The following CSMD2 variants were observed in gnomAD, a reference collection of about 807,000 sequenced individuals.
CSMD2 encodes CUB and sushi domain-containing protein 2.
CSMD2 carries 130 observed loss-of-function variants against 398.5 expected under a neutral mutation model. That is an observed-to-expected ratio of 0.33 (90% CI 0.28 to 0.38). CSMD2 has a LOEUF of 0.38. Among genes scored for constraint, CSMD2 ranks in the 10% least tolerant of loss-of-function variants. The pLI is 1.00. For missense variants in CSMD2, 3,829 were observed against 4,764.9 expected (o/e 0.80, Z 5.78); for synonymous variants, 1,828 against 1,908.5 (o/e 0.96, Z 1.10).
At chr1:33,562,298 C>A (rs191700405) in intron 53 of CSMD2, among the ~76,000 whole-genome samples, 1 of 152,196 alleles carries the variant, frequency 6.6e-6, no homozygotes, top group Non-Finnish European at 1.5e-5. Flanking sequence ...GAAGCTGCTG[C>A]GACCAGGTGT....
chr1:33,776,749 A>T (rs1048040957), intron 12 of CSMD2, among the ~76,000 whole-genome samples: 2 of 152,090 alleles, frequency 1.3e-5, no homozygotes, highest in Admixed American at 6.5e-5. Flanking sequence ...ATGTTGTTAA[A>T]AAGAATGGCC....
At chr1:33,630,684 A>G (rs1429587604) in intron 32 of CSMD2, among the ~76,000 whole-genome samples, 1 of 152,230 alleles carries the variant, frequency 6.6e-6, no homozygotes, top group Non-Finnish European at 1.5e-5. Flanking sequence ...TTAATCCCCA[A>G]AGAAGAAATG....
At chr1:33,933,200 G>C (rs1326383323) in intron 4 of CSMD2, among the ~76,000 whole-genome samples, 2 of 152,176 alleles carry the variant, frequency 1.3e-5, no homozygotes, top group East Asian at 1.9e-4. Context: ...TGGAGAAGTA[G>C]GGGATCCAAG....
chr1:33,725,342 G>C lies in CSMD2; in HGVS notation c.2695+7C>G, dbSNP rs750883811. 4.3e-6 allele frequency: 7 copies of C among 1,612,914 alleles called. No homozygotes were observed. The highest frequency in any genetic ancestry group is 1.7e-4 in the Middle Eastern group (1 of 5,976). ...TCATCCCTTTTCCTGAGCCCACTGAGACTCACTCTCATAGCGGAGCTGGAA... is the reference window on the plus strand; with the variant it reads ...TCATCCCTTTTCCTGAGCCCACTGACACTCACTCTCATAGCGGAGCTGGAA... On this transcript the variant is annotated splice_region_variant and intron_variant, in intron 17 of 70. Coordinates refer to ENST00000373381, the MANE Select transcript of CSMD2 (RefSeq NM_001281956.2).
chr1:33,831,201 C>A (rs1659510264), intron 6 of CSMD2, among the ~76,000 whole-genome samples: 1 of 151,880 alleles, frequency 6.6e-6, no homozygotes, highest in African/African-American at 2.4e-5. Flanking sequence ...CTCTAAGACA[C>A]ATAATTGTCA....
intron 41 of CSMD2, among the ~76,000 whole-genome samples, chr1:33,609,712 C>A (rs1640870365): frequency 6.6e-6 from 1 of 151,988 alleles, no homozygotes; most frequent in Admixed American, 6.5e-5. Flanking sequence ...TAGTACGATC[C>A]AATTTTGGCT....
intron 25 of CSMD2, among the ~76,000 whole-genome samples, chr1:33,688,129 GA>G (rs1645116225): frequency 1.3e-5 from 2 of 152,282 alleles, no homozygotes; most frequent in Admixed American, 6.5e-5. Flanking sequence ...GAAGATTCAG[GA>G]ATAAGAATGT....
At chr1:33,997,736 G>A (rs953105238) in intron 3 of CSMD2, among the ~76,000 whole-genome samples, 2 of 152,074 alleles carry the variant, frequency 1.3e-5, no homozygotes, top group Non-Finnish European at 2.9e-5. Flanking sequence ...GAGAGAGTTG[G>A]AGGGGAGAAA....
At chr1:33,662,444 T>C (rs1339495561) in intron 26 of CSMD2, among the ~76,000 whole-genome samples, 1 of 152,206 alleles carries the variant, frequency 6.6e-6, no homozygotes, top group Non-Finnish European at 1.5e-5. Context: ...GCACCTAGGA[T>C]GCCCTTTTCT....
intron 27 of CSMD2, among the ~76,000 whole-genome samples, chr1:33,657,417 T>C (rs777419859): frequency 7.2e-5 from 11 of 152,264 alleles, no homozygotes; most frequent in Non-Finnish European, 1.6e-4. Context: ...AAGGCTGCAG[T>C]GAGTTGTGAT....
In CSMD2 at chr1:33,924,119, T is replaced by C. The variant is rs75941618; in HGVS notation, c.713-5818A>G. ...CTCCTCGTATGAGTGTTAGGTGATA[T>C]TTGTCTTTCTCTGCCTGGTTTATTT... On this transcript the variant is annotated intron_variant, in intron 4 of 70. Coordinates refer to ENST00000373381, the MANE Select transcript of CSMD2 (RefSeq NM_001281956.2). Among the ~76,000 whole-genome samples, 478 of 152,248 alleles carry C rather than the reference T, an allele frequency of 3.1e-3. 4 individuals are homozygous for C. Among genetic ancestry groups the C allele is most frequent in the African/African-American group, 9.9e-3 (410 of 41,532 alleles).
upstream of CSMD2, chr1:34,165,803 A>G (rs551509744): frequency 5.4e-4 from 866 of 1,610,790 alleles, 13 homozygotes; most frequent in South Asian, 8.9e-3. Flanking sequence ...GGCGATGCTT[A>G]TGAGCCTCAT....
intron 1 of CSMD2, among the ~76,000 whole-genome samples, chr1:34,102,597 G>A (rs145552548): frequency 9.5e-4 from 76 of 79,858 alleles, no homozygotes; most frequent in African/African-American, 2.1e-3. Flanking sequence ...CCTGTAATCC[G>A]GCCATATCCC....
intron 5 of CSMD2, among the ~76,000 whole-genome samples, chr1:33,905,317 G>A (rs1643022540): frequency 6.6e-6 from 1 of 152,196 alleles, no homozygotes; most frequent in African/African-American, 2.4e-5. Context: ...GTGGACGTTG[G>A]AAGAAACAGC....
chr1:33,716,874 C>G (rs1646189868), intron 19 of CSMD2, among the ~76,000 whole-genome samples: 1 of 152,066 alleles, frequency 6.6e-6, no homozygotes, highest in Admixed American at 6.6e-5. Context: ...GGGCTAGGAT[C>G]CAGGGTTAGG....
chr1:33,909,577 G>A (rs72894806), intron 5 of CSMD2, among the ~76,000 whole-genome samples: 1,908 of 152,186 alleles, frequency 0.013, 43 homozygotes, highest in African/African-American at 0.043. Flanking sequence ...AGCAGGAGAA[G>A]GGCCTGAGTA....
At chr1:33,726,357 C>T (rs140067852) in intron 16 of CSMD2, among the ~76,000 whole-genome samples, 190 bp downstream of exon 16, 1,664 of 152,338 alleles carry the variant, frequency 0.011, 15 homozygotes, top group Admixed American at 0.015. Context: ...GTCCCCTAAA[C>T]AGCACAAACC....
intron 1 of CSMD2, among the ~76,000 whole-genome samples, chr1:34,095,815 G>A (rs1010291430): frequency 5.3e-5 from 8 of 151,016 alleles, no homozygotes; most frequent in East Asian, 3.9e-4. Context: ...ATTCACAGCC[G>A]AATTCTACCA....
intron 29 of CSMD2, among the ~76,000 whole-genome samples, chr1:33,641,447 G>C (rs902385258): frequency 6.6e-6 from 1 of 152,182 alleles, no homozygotes; most frequent in Non-Finnish European, 1.5e-5. Context: ...GTTGATATCC[G>C]TGGCCTGGAG....
Sources: allele counts gnomAD v4.1 joint callset (sites outside exome capture counted in the v4.1 genomes callset), GRCh38; gene constraint gnomAD v4.1.1; transcripts MANE v1.5; gene names NCBI Gene and HGNC (gene_info 2026-07-23, HGNC 2026-07-21).